The following ARHGEF10 variants were observed in gnomAD, a reference collection of about 807,000 sequenced individuals.
ARHGEF10 encodes the protein Rho guanine nucleotide exchange factor (GEF) 10.
A neutral mutation model predicts 147.4 loss-of-function variants in ARHGEF10; 140 were observed. The observed-to-expected ratio is 0.95, with a 90% CI of 0.83 to 1.09. The LOEUF is 1.09. ARHGEF10 is among the 50% of genes least tolerant of loss of function. ARHGEF10 has a pLI of 0.00. For synonymous variants in ARHGEF10, 902 were observed against 695.8 expected (o/e 1.30, Z -4.67); for missense variants, 2,222 against 1,752.7 (o/e 1.27, Z -4.78).
intron 2 of ARHGEF10, among the ~76,000 whole-genome samples, chr8:1,844,380 CACCGGGG>C (rs1804348587): frequency 6.6e-6 from 1 of 152,168 alleles, no homozygotes; most frequent in African/African-American, 2.4e-5. Flanking sequence ...ATCCAGGGGT[CACCGGGG>C]CCTGGTAGAT....
chr8:1,869,878 C>G (rs1453575699), intron 7 of ARHGEF10: 1 of 164,472 alleles, frequency 6.1e-6, no homozygotes, highest in African/African-American at 2.4e-5. Flanking sequence ...CCTGAGCGGC[C>G]ACGTCCAGCA....
chr8:1,858,002 A>G lies in ARHGEF10; in HGVS notation c.80A>G (p.Glu27Gly). The stretch of plus-strand genomic sequence containing the variant: ...GATACCAATAATAATGAAGAGGAAG[A>G]GGGAGAACAGTTCGATTTTGACAGT... ...KYDTNNNEEE[E>G]GEQFDFDSGD... is the part of the protein sequence containing the mutation. Residue 27 changes from glutamate (E) to glycine (G), a missense_variant, in exon 3 of 29, where the codon GAG becomes GGG. Glu to Gly is a moderately conservative substitution (Grantham distance 98, BLOSUM62 -2). Coordinates refer to ENST00000349830, the MANE Select transcript of ARHGEF10 (RefSeq NM_014629.4). 6.2e-7 allele frequency: 1 copy of G among 1,614,142 alleles called. No individual in the cohort carries two copies. Among genetic ancestry groups the G allele is most frequent in the Non-Finnish European group, 8.5e-7 (1 of 1,180,012 alleles).
rs564327440 is a variant in ARHGEF10, at chr8:1,925,274, T to C, written c.2489-9T>C. 1 of 1,614,186 alleles carries C rather than the reference T, an allele frequency of 6.2e-7. No homozygotes were observed. Among genetic ancestry groups the C allele is most frequent in the East Asian group, 2.2e-5 (1 of 44,884 alleles). ...ATTCTTGCTCATTTCTCTCTGAATA[T>C]AATTGCAGAAGAGGAGAACCACATG... is the stretch of plus-strand genomic sequence containing the variant. On this transcript the variant is annotated splice_polypyrimidine_tract_variant and intron_variant, in intron 21 of 28. Coordinates refer to ENST00000349830, the MANE Select transcript of ARHGEF10 (RefSeq NM_014629.4).
chr8:1,894,947 C>G (rs999963208), intron 13 of ARHGEF10, among the ~76,000 whole-genome samples: 1 of 152,230 alleles, frequency 6.6e-6, no homozygotes, highest in Non-Finnish European at 1.5e-5. Context: ...AGCCCTCACA[C>G]AGGTTCTCTT....
intron 1 of ARHGEF10, among the ~76,000 whole-genome samples, chr8:1,841,111 T>A (rs1803998290): frequency 6.6e-6 from 1 of 152,256 alleles, no homozygotes; most frequent in Admixed American, 6.5e-5. Context: ...CGCCCTCAGC[T>A]GTAGCCTTCG....
intron 21 of ARHGEF10, 81 bp downstream of exon 21, chr8:1,923,955 A>G: frequency 7.5e-7 from 1 of 1,329,668 alleles, no homozygotes; most frequent in East Asian, 2.4e-5. Context: ...GTCAGGGTTG[A>G]GAAGGAAACT....
In ARHGEF10 at chr8:1,841,985, AACT is replaced by A. The variant is rs1475338548; in HGVS notation, c.-47-1367_-47-1365del. On this transcript the variant is annotated intron_variant, in intron 1 of 28. Coordinates refer to ENST00000349830, the MANE Select transcript of ARHGEF10 (RefSeq NM_014629.4). ...CGACCGGAACTGGGGCCGCGGCGGG[AACT>A]GGGGCCGCGGCGGGAACTGGGGCCG... Among the ~76,000 whole-genome samples, 9 of 61,502 alleles carry A rather than the reference AACT, an allele frequency of 1.5e-4. 1 individual carries two copies. Among genetic ancestry groups the A allele is most frequent in the Admixed American group, 8.9e-4 (5 of 5,606 alleles). The allele number at this position is 61,502 out of a possible 152,430, so 40.3% of individuals were successfully genotyped here.
intron 27 of ARHGEF10, 54 bp downstream of exon 27, chr8:1,945,709 G>C: frequency 6.2e-7 from 1 of 1,610,084 alleles, no homozygotes; most frequent in East Asian, 2.2e-5. Context: ...GACGGACGTG[G>C]GGGGTGCGGA....
intron 25 of ARHGEF10, among the ~76,000 whole-genome samples, chr8:1,930,789 G>T (rs764093426): frequency 6.6e-6 from 1 of 152,204 alleles, no homozygotes; most frequent in African/African-American, 2.4e-5. Context: ...CCTGGCCTGT[G>T]CGCACCTGCG....
At chr8:1,920,528 A>T (rs1283979205) in intron 18 of ARHGEF10, among the ~76,000 whole-genome samples, 1 of 151,704 alleles carries the variant, frequency 6.6e-6, no homozygotes, top group South Asian at 2.1e-4. Flanking sequence ...TTTTAAAACT[A>T]TGTTGCCCAG....
chr8:1,843,335 T>A lies in ARHGEF10; in HGVS notation c.-47-18T>A. 2 of 1,603,320 alleles carry A rather than the reference T, an allele frequency of 1.2e-6. No homozygotes were observed. The highest frequency in any genetic ancestry group is 1.7e-6 in the Non-Finnish European group (2 of 1,174,008). On this transcript the variant is annotated intron_variant, in intron 1 of 28. Coordinates refer to ENST00000349830, the MANE Select transcript of ARHGEF10 (RefSeq NM_014629.4). ...TATCCACCTGAACGGTGACAAGCAG[T>A]GTCTCTCCTTCTTGCAGGAGCTCCT...
At chr8:1,829,312 G>A (rs1177045607) in intron 1 of ARHGEF10, among the ~76,000 whole-genome samples, 1 of 152,272 alleles carries the variant, frequency 6.6e-6, no homozygotes, top group Non-Finnish European at 1.5e-5. Flanking sequence ...CTGATGGTGC[G>A]TGCAGTTCTG....
intron 25 of ARHGEF10, among the ~76,000 whole-genome samples, chr8:1,933,455 C>A (rs904394241): frequency 6.6e-6 from 1 of 150,496 alleles, no homozygotes; most frequent in African/African-American, 2.4e-5. Context: ...ACAACCTTTG[C>A]GGCTAGTGGT....
chr8:1,949,337 C>T (rs1047939081), intron 27 of ARHGEF10, among the ~76,000 whole-genome samples: 5 of 152,168 alleles, frequency 3.3e-5, no homozygotes, highest in Admixed American at 2.6e-4. Context: ...TTCACATAAG[C>T]TACATCAGAT....
intron 9 of ARHGEF10, among the ~76,000 whole-genome samples, chr8:1,880,737 C>G (rs1308908246): frequency 6.6e-6 from 1 of 152,174 alleles, no homozygotes; most frequent in African/African-American, 2.4e-5. Flanking sequence ...TGAGCGATGT[C>G]TTTTAAAAGG....
intron 11 of ARHGEF10, among the ~76,000 whole-genome samples, chr8:1,890,609 G>T (rs1456743407): frequency 7.4e-6 from 1 of 134,394 alleles, no homozygotes; most frequent in Non-Finnish European, 1.6e-5. Flanking sequence ...TGAGTTTGGC[G>T]AAGGTTATGA....
chr8:1,847,607 G>A (rs1014956552), intron 2 of ARHGEF10, among the ~76,000 whole-genome samples: 1 of 152,016 alleles, frequency 6.6e-6, no homozygotes, highest in African/African-American at 2.4e-5. Flanking sequence ...GGGCAGCATT[G>A]TTTCTGGGGG....
At chr8:1,869,337 C>G (rs1451589510) in intron 7 of ARHGEF10, 87 bp downstream of exon 7, 3 of 1,157,340 alleles carry the variant, frequency 2.6e-6, no homozygotes, top group Non-Finnish European at 2.6e-6. Flanking sequence ...AGTGGACGGC[C>G]CAGACGTTTT....
chr8:1,851,702 C>G (rs990903617), intron 2 of ARHGEF10, among the ~76,000 whole-genome samples: 4 of 152,112 alleles, frequency 2.6e-5, no homozygotes, highest in African/African-American at 9.7e-5. Flanking sequence ...CACTTGAGTT[C>G]AGGAGTTTGA....
Sources: gnomAD v4.1 joint callset for allele counts (sites outside exome capture counted in the v4.1 genomes callset) on GRCh38, gnomAD v4.1.1 for gene constraint, MANE v1.5 for transcripts, NCBI Gene and HGNC (gene_info 2026-07-23, HGNC 2026-07-21) for gene names.